ARB2A: variants seen among roughly 807,000 people sequenced by gnomAD.
ARB2A encodes the protein ARB2 cotranscriptional regulator A, also known as cotranscriptional regulator ARB2A.
chr5:94,050,958 G>C, the ARB2A span: 19 of 660,870 alleles, frequency 2.9e-5, no homozygotes, highest in Admixed American at 4.2e-4. Flanking sequence ...TTTTTCATTA[G>C]ATTTTTTTCT....
chr5:93,625,518 G>T, the ARB2A span, among the ~76,000 whole-genome samples: 2 of 152,054 alleles, frequency 1.3e-5, no homozygotes, highest in African/African-American at 4.8e-5. Context: ...ATTTGTCAAT[G>T]ATGTTATTCA....
chr5:93,776,434 TTTTG>T, the ARB2A span, among the ~76,000 whole-genome samples: 1 of 152,240 alleles, frequency 6.6e-6, no homozygotes, highest in Middle Eastern at 3.2e-3. Flanking sequence ...AAAAAGGTCC[TTTTG>T]TTTGTTCGTT....
chr5:93,621,226 C>G, the ARB2A span: 6 of 1,158,132 alleles, frequency 5.2e-6, no homozygotes, highest in Non-Finnish European at 6.6e-6. Flanking sequence ...CCCGACCACC[C>G]GGTCCCGCCC....
the ARB2A span, among the ~76,000 whole-genome samples, chr5:93,702,900 C>T: frequency 6.6e-6 from 1 of 152,118 alleles, no homozygotes; most frequent in African/African-American, 2.4e-5. Context: ...TTTGTTTGCT[C>T]TACCTTCCAC....
chr5:93,845,793 G>A, the ARB2A span, among the ~76,000 whole-genome samples: 4 of 152,324 alleles, frequency 2.6e-5, no homozygotes, highest in East Asian at 7.7e-4. Flanking sequence ...AAGTGTTCCA[G>A]ACAGTTCAAT....
At chr5:93,973,674 A>G in the ARB2A span, among the ~76,000 whole-genome samples, 13 of 152,192 alleles carry the variant, frequency 8.5e-5, no homozygotes, top group Non-Finnish European at 1.5e-4. Context: ...AAAGAATCAC[A>G]TCACCAATAA....
the ARB2A span, among the ~76,000 whole-genome samples, chr5:93,850,481 G>A: frequency 3.1e-4 from 47 of 152,250 alleles, no homozygotes; most frequent in African/African-American, 1.0e-3. Flanking sequence ...ATTATGATCA[G>A]GATGCTGTGA....
chr5:93,819,055 G>A, the ARB2A span, among the ~76,000 whole-genome samples: 38 of 151,386 alleles, frequency 2.5e-4, no homozygotes, highest in Admixed American at 7.2e-4. Context: ...GCATGGTGGC[G>A]CGTGCCTGTA....
At chr5:93,773,641 CCAATT>C in the ARB2A span, among the ~76,000 whole-genome samples, 11 of 152,060 alleles carry the variant, frequency 7.2e-5, no homozygotes, top group Non-Finnish European at 1.2e-4. Context: ...TTTTTTTTAA[CCAATT>C]CAAGTTTTCT....
chr5:93,810,014 G>A, the ARB2A span, among the ~76,000 whole-genome samples: 1 of 152,020 alleles, frequency 6.6e-6, no homozygotes, highest in East Asian at 1.9e-4. Flanking sequence ...ATTGTACAAT[G>A]TGTGCTTCTT....
the ARB2A span, among the ~76,000 whole-genome samples, chr5:93,729,225 G>T: frequency 4.6e-5 from 7 of 151,884 alleles, no homozygotes; most frequent in Non-Finnish European, 7.4e-5. Flanking sequence ...TCCTTTCTTT[G>T]TGTTGTTCCT....
the ARB2A span, among the ~76,000 whole-genome samples, chr5:93,653,234 C>T: frequency 1.2e-4 from 18 of 151,882 alleles, no homozygotes; most frequent in African/African-American, 3.9e-4. Flanking sequence ...TATAAAAAGA[C>T]ATTAATTCTT....
the ARB2A span, among the ~76,000 whole-genome samples, chr5:93,701,977 A>G: frequency 2.6e-5 from 4 of 152,274 alleles, no homozygotes; most frequent in South Asian, 8.3e-4. Flanking sequence ...ACTTCTCATT[A>G]TAGCACATGG....
the ARB2A span, among the ~76,000 whole-genome samples, chr5:93,797,025 C>T: frequency 6.6e-6 from 1 of 152,092 alleles, no homozygotes; most frequent in African/African-American, 2.4e-5. Flanking sequence ...AACAAAAGAG[C>T]ACTTCTGAGT....
chr5:93,790,014 A>G, the ARB2A span, among the ~76,000 whole-genome samples: 4 of 152,210 alleles, frequency 2.6e-5, no homozygotes, highest in East Asian at 1.9e-4. Context: ...CACAATTTCT[A>G]TTTTGAAAGT....
chr5:93,946,867 T>A, the ARB2A span, among the ~76,000 whole-genome samples: 1 of 152,192 alleles, frequency 6.6e-6, no homozygotes, highest in Non-Finnish European at 1.5e-5. Flanking sequence ...ACAACATGAT[T>A]TATGCTTTTA....
the ARB2A span, among the ~76,000 whole-genome samples, chr5:93,768,003 A>C: frequency 7.0e-6 from 1 of 143,706 alleles, no homozygotes; most frequent in African/African-American, 2.8e-5. Flanking sequence ...CAAAAAAAAA[A>C]AAAAAAAAAA....
the ARB2A span, among the ~76,000 whole-genome samples, chr5:93,777,504 TATC>T: frequency 6.6e-6 from 1 of 152,114 alleles, no homozygotes; most frequent in South Asian, 2.1e-4. Context: ...AATATGTGAT[TATC>T]ATCATATGGT....
At chr5:93,843,341 CAG>C in the ARB2A span, among the ~76,000 whole-genome samples, 2 of 149,674 alleles carry the variant, frequency 1.3e-5, no homozygotes, top group Non-Finnish European at 3.0e-5. Flanking sequence ...GTTTTGCAGA[CAG>C]AGAAAAATTT....
Sources: allele counts gnomAD v4.1 joint callset (sites outside exome capture counted in the v4.1 genomes callset), GRCh38; gene constraint gnomAD v4.1.1; transcripts MANE v1.5; gene names NCBI Gene and HGNC (gene_info 2026-07-23, HGNC 2026-07-21).